WARS2: variants seen among roughly 807,000 people sequenced by gnomAD.
WARS2 encodes tryptophanyl tRNA synthetase 2, mitochondrial, also known as tryptophan--tRNA ligase, mitochondrial.
WARS2 carries 28 observed loss-of-function variants against 36.5 expected under a neutral mutation model. The observed-to-expected ratio is 0.77, with a 90% CI of 0.57 to 1.05. The LOEUF (loss-of-function observed/expected upper bound fraction) is 1.05. Ranked by LOEUF, WARS2 falls within the 50% of genes least tolerant of loss-of-function variation. The pLI is 0.00. For missense variants in WARS2, 435 were observed against 456.8 expected, an observed-to-expected ratio of 0.95 and a Z score of 0.44; for synonymous variants, 174 against 178.4, an observed-to-expected ratio of 0.98 and a Z score of 0.20.
At chr1:119,098,235 C>T (rs1018795471) in intron 1 of WARS2, among the ~76,000 whole-genome samples, 4 of 151,764 alleles carry the variant, frequency 2.6e-5, no homozygotes, top group African/African-American at 9.7e-5. Context: ...GGCAGCAGAG[C>T]GAGACACCGT....
At chr1:119,114,126 T>A (rs1327734568) in intron 1 of WARS2, among the ~76,000 whole-genome samples, 1 of 152,186 alleles carries the variant, frequency 6.6e-6, no homozygotes, top group Non-Finnish European at 1.5e-5. Flanking sequence ...CAGAAGGGTT[T>A]AAGTAACTCA....
At chr1:119,035,299 G>A (rs1023228578) in intron 4 of WARS2, among the ~76,000 whole-genome samples, 17 of 152,166 alleles carry the variant, frequency 1.1e-4, no homozygotes, top group Admixed American at 1.1e-3. Flanking sequence ...AATACAGTGC[G>A]CTGAGGTTTT....
chr1:119,031,736 T>C lies in WARS2; in HGVS notation c.*1175A>G, dbSNP rs1647442937. 6.6e-6 allele frequency: 1 copy of C among 152,274 alleles called. No homozygotes were observed. Among genetic ancestry groups the C allele is most frequent in the Non-Finnish European group, 1.5e-5 (1 of 68,068 alleles). The allele number at this position is 152,274 out of a possible 1,614,324, so 9.4% of individuals were successfully genotyped here. A position where few individuals can be genotyped will look rare whatever the true frequency, so the allele number is the denominator to read the frequency against. ...TTACTTAACTGAGGTAGAGGCAAGA[T>C]GAGAAGCTGTCAGTCATTGGGAATA... On this transcript the variant is annotated 3_prime_UTR_variant, in exon 6 of 6. Transcript: ENST00000235521.
intron 1 of WARS2, among the ~76,000 whole-genome samples, chr1:119,083,032 C>A (rs1652321418): frequency 6.6e-6 from 1 of 152,074 alleles, no homozygotes; most frequent in African/African-American, 2.4e-5. Context: ...AGTTTGAGAC[C>A]AACCTGGCCA....
chr1:119,133,181 T>A (rs779951664), intron 1 of WARS2, among the ~76,000 whole-genome samples: 8 of 152,220 alleles, frequency 5.3e-5, no homozygotes, highest in Non-Finnish European at 1.0e-4. Context: ...TACAAGGTAA[T>A]CCTAGTGGTA....
At chr1:119,109,846 T>C (rs1654509082) in intron 1 of WARS2, among the ~76,000 whole-genome samples, 1 of 151,900 alleles carries the variant, frequency 6.6e-6, no homozygotes, top group Admixed American at 6.6e-5. Flanking sequence ...TAGTTTTTAA[T>C]TGGGCATTTT....
At chr1:119,123,719 C>T (rs1273466253) in intron 1 of WARS2, among the ~76,000 whole-genome samples, 2 of 152,146 alleles carry the variant, frequency 1.3e-5, no homozygotes, top group African/African-American at 4.8e-5. Flanking sequence ...ACTATCTTGT[C>T]TGGTTCTCAT....
intron 1 of WARS2, among the ~76,000 whole-genome samples, chr1:119,128,605 C>CA (rs1655859703): frequency 1.3e-5 from 2 of 149,984 alleles, no homozygotes; most frequent in Non-Finnish European, 3.0e-5. Context: ...CTGCGCCCCC[C>CA]ACAATATACA....
intron 2 of WARS2, among the ~76,000 whole-genome samples, chr1:119,070,386 C>G (rs1651200249): frequency 6.6e-6 from 1 of 152,056 alleles, no homozygotes; most frequent in African/African-American, 2.4e-5. Flanking sequence ...CTCAGCCTCC[C>G]TCCCAAGTAG....
At chr1:119,035,506 T>C (rs1647804831) in intron 4 of WARS2, among the ~76,000 whole-genome samples, 1 of 152,120 alleles carries the variant, frequency 6.6e-6, no homozygotes, top group Admixed American at 6.5e-5. Context: ...TGATATAATA[T>C]ATAACTATAT....
intron 1 of WARS2, among the ~76,000 whole-genome samples, chr1:119,125,284 C>T (rs907179769): frequency 2.6e-5 from 4 of 152,156 alleles, no homozygotes; most frequent in Non-Finnish European, 5.9e-5. Context: ...TTAAAAGTCA[C>T]CTTCTTGGGG....
At chr1:119,049,280 C>A (rs1649139184) in intron 2 of WARS2, among the ~76,000 whole-genome samples, 2 of 152,080 alleles carry the variant, frequency 1.3e-5, no homozygotes, top group Admixed American at 1.3e-4. Flanking sequence ...GGCCCAACTC[C>A]AGGGGAAAAC....
At chr1:119,070,414 C>A (rs532297952) in intron 2 of WARS2, among the ~76,000 whole-genome samples, 1 of 151,896 alleles carries the variant, frequency 6.6e-6, no homozygotes, top group Non-Finnish European at 1.5e-5. Flanking sequence ...CACAGGCGTG[C>A]GACACCACGC....
chr1:119,048,906 T>TA (rs1649096954), intron 2 of WARS2, among the ~76,000 whole-genome samples: 2 of 151,866 alleles, frequency 1.3e-5, no homozygotes, highest in Admixed American at 1.3e-4. Flanking sequence ...CTACTAAAAA[T>TA]ACAAATATTA....
chr1:119,111,084 A>G (rs1286434335), intron 1 of WARS2, among the ~76,000 whole-genome samples: 1 of 152,060 alleles, frequency 6.6e-6, no homozygotes, highest in Non-Finnish European at 1.5e-5. Context: ...AATCATAGTC[A>G]AAAAAAATTC....
intron 1 of WARS2, among the ~76,000 whole-genome samples, chr1:119,083,917 T>A (rs1652403314): frequency 6.6e-6 from 1 of 152,186 alleles, no homozygotes. Context: ...CATATTATTA[T>A]CTTGAACAGG....
At chr1:119,075,583 GCATGTTAA>G (rs1651666811) in intron 2 of WARS2, among the ~76,000 whole-genome samples, 1 of 152,132 alleles carries the variant, frequency 6.6e-6, no homozygotes, top group Non-Finnish European at 1.5e-5. Context: ...ATATATACAT[GCATGTTAA>G]CATGTACCAT....
intron 1 of WARS2, chr1:119,140,269 G>A: frequency 3.0e-6 from 1 of 331,906 alleles, no homozygotes. Flanking sequence ...TAGGCTCACC[G>A]CGTTGCCCGG....
At chr1:119,136,627 A>G (rs1656531988) in intron 1 of WARS2, among the ~76,000 whole-genome samples, 1 of 152,224 alleles carries the variant, frequency 6.6e-6, no homozygotes, top group African/African-American at 2.4e-5. Context: ...TGATTAGCTC[A>G]TGTTGCATGT....
Sources: gnomAD v4.1 joint callset for allele counts (sites outside exome capture counted in the v4.1 genomes callset) on GRCh38, gnomAD v4.1.1 for gene constraint, MANE v1.5 for transcripts, NCBI Gene and HGNC (gene_info 2026-07-23, HGNC 2026-07-21) for gene names.